CASR: variants seen among roughly 807,000 people sequenced by gnomAD.
The protein encoded by CASR is extracellular calcium-sensing receptor.
A neutral mutation model predicts 69.1 loss-of-function variants in CASR; 23 were observed. The observed-to-expected ratio is 0.33, with a 90% CI of 0.24 to 0.47. The LOEUF (loss-of-function observed/expected upper bound fraction) is 0.47. Among genes scored for constraint, CASR ranks in the 20% least tolerant of loss-of-function variants. The pLI, the probability that CASR is intolerant of heterozygous loss-of-function variation, is 1.00. For missense variants in CASR, 924 were observed against 1,356.1 expected (o/e 0.68, Z 5.00); for synonymous variants, 541 against 544.7 (o/e 0.99, Z 0.10).
At chr3:122,205,703 G>C (rs2073999628) in intron 1 of CASR, among the ~76,000 whole-genome samples, 1 of 152,058 alleles carries the variant, frequency 6.6e-6, no homozygotes, top group South Asian at 2.1e-4. Context: ...CATGAGCATG[G>C]AATAGCTTTT....
intron 1 of CASR, among the ~76,000 whole-genome samples, chr3:122,199,440 G>A (rs2073921045): frequency 6.6e-6 from 1 of 152,078 alleles, no homozygotes; most frequent in Non-Finnish European, 1.5e-5. Flanking sequence ...TATTTGCAGT[G>A]GTGTTTATTT....
intron 1 of CASR, among the ~76,000 whole-genome samples, 173 bp from the exon 2 acceptor site, chr3:122,253,775 G>A (rs376813653): frequency 2.6e-5 from 4 of 152,240 alleles, no homozygotes; most frequent in Admixed American, 1.3e-4. Flanking sequence ...GGCAATTGAC[G>A]TTTCCTGTAT....
At chr3:122,282,311 A>G in intron 6 of CASR, 75 bp downstream of exon 6, 5 of 1,442,994 alleles carry the variant, frequency 3.5e-6, no homozygotes, top group Non-Finnish European at 4.9e-6. Context: ...AGCCCATGGA[A>G]GGGCTGGGCT....
chr3:122,211,121 A>C (rs528752036), intron 1 of CASR, among the ~76,000 whole-genome samples: 2 of 152,226 alleles, frequency 1.3e-5, no homozygotes, highest in Admixed American at 6.5e-5. Flanking sequence ...TTAAAACCTA[A>C]AACTATCAAA....
chr3:122,248,907 C>T (rs564582635), intron 1 of CASR, among the ~76,000 whole-genome samples: 2 of 152,270 alleles, frequency 1.3e-5, no homozygotes, highest in African/African-American at 4.8e-5. Flanking sequence ...GGATTAGCCA[C>T]GTAGCTACTC....
chr3:122,220,876 A>C (rs1231065805), intron 1 of CASR, among the ~76,000 whole-genome samples: 1 of 152,190 alleles, frequency 6.6e-6, no homozygotes, highest in Non-Finnish European at 1.5e-5. Flanking sequence ...TGAGAGGCTG[A>C]GGCAGGAAAA....
intron 1 of CASR, among the ~76,000 whole-genome samples, chr3:122,214,285 C>T (rs1288580419): frequency 1.4e-5 from 2 of 143,994 alleles, no homozygotes; most frequent in Non-Finnish European, 3.0e-5. Context: ...GGGCATTCTT[C>T]AGAACTTCTT....
At chr3:122,222,744 C>T (rs1442096054) in intron 1 of CASR, among the ~76,000 whole-genome samples, 1 of 152,034 alleles carries the variant, frequency 6.6e-6, no homozygotes, top group Non-Finnish European at 1.5e-5. Context: ...GAACACTACA[C>T]CCAAAAACAA....
intron 1 of CASR, among the ~76,000 whole-genome samples, chr3:122,191,390 C>T (rs2073838655): frequency 6.6e-6 from 1 of 152,198 alleles, no homozygotes; most frequent in African/African-American, 2.4e-5. Flanking sequence ...TGGCTCACTG[C>T]AACTTCTGCC....
intron 1 of CASR, among the ~76,000 whole-genome samples, chr3:122,226,810 A>C (rs2074227174): frequency 6.6e-6 from 1 of 151,964 alleles, no homozygotes; most frequent in Non-Finnish European, 1.5e-5. Flanking sequence ...TCCCCACCAG[A>C]CTAACTAGAT....
At chr3:122,252,671 A>G (rs1349600386) in intron 1 of CASR, among the ~76,000 whole-genome samples, 1 of 152,126 alleles carries the variant, frequency 6.6e-6, no homozygotes, top group Admixed American at 6.5e-5. Context: ...TTGTGTAAAT[A>G]TGAAGGACAA....
At chr3:122,218,235 G>T (rs2074135911) in intron 1 of CASR, among the ~76,000 whole-genome samples, 1 of 151,926 alleles carries the variant, frequency 6.6e-6, no homozygotes, top group South Asian at 2.1e-4. Context: ...GAGCTGAAAA[G>T]AATCAAAAAT....
chr3:122,281,404 G>C (rs534754836), intron 5 of CASR, among the ~76,000 whole-genome samples: 2 of 152,186 alleles, frequency 1.3e-5, no homozygotes, highest in Non-Finnish European at 2.9e-5. Flanking sequence ...CACTAGCTAA[G>C]ACCTCCAGTG....
chr3:122,279,739 G>C (rs929545501), intron 5 of CASR, among the ~76,000 whole-genome samples: 1 of 152,066 alleles, frequency 6.6e-6, no homozygotes, highest in African/African-American at 2.4e-5. Context: ...ATTAATCTAG[G>C]AATAGAAGGG....
Position 122,200,974 on chromosome 3 carries a change from A to G in CASR, c.-243+17162A>G, listed in dbSNP as rs1576817783. Among the ~76,000 whole-genome samples, 6 of 137,044 alleles carry G rather than the reference A, an allele frequency of 4.4e-5. No homozygotes were observed. In the South Asian group the frequency reaches 1.4e-3, roughly 31 times the overall value. The allele number at this position is 137,044 out of a possible 152,430, so 89.9% of individuals were successfully genotyped here. A position where few individuals can be genotyped will look rare whatever the true frequency, so the allele number is the denominator to read the frequency against. On this transcript the variant is annotated intron_variant, in intron 1 of 6. Transcript: ENST00000639785. ...TTTTCTCCATGTAATGCTTGTGAAT[A>G]TCTTTTGCCCATTGCTTTTCTTTTT...
chr3:122,235,211 T>C (rs1459829421), intron 1 of CASR, among the ~76,000 whole-genome samples: 1 of 152,168 alleles, frequency 6.6e-6, no homozygotes, highest in Non-Finnish European at 1.5e-5. Context: ...GAATTAATAA[T>C]GAAAGACTTA....
chr3:122,245,189 C>T (rs1195681076), intron 1 of CASR, among the ~76,000 whole-genome samples: 2 of 152,102 alleles, frequency 1.3e-5, no homozygotes, highest in Non-Finnish European at 1.5e-5. Flanking sequence ...AACGTGAATG[C>T]TCCATAAATA....
chr3:122,203,573 A>G (rs2073978309), intron 1 of CASR, among the ~76,000 whole-genome samples: 1 of 152,220 alleles, frequency 6.6e-6, no homozygotes, highest in African/African-American at 2.4e-5. Flanking sequence ...AAGGCCAAAA[A>G]AAGGGTACAT....
intron 1 of CASR, among the ~76,000 whole-genome samples, chr3:122,209,339 A>G (rs540173078): frequency 1.3e-5 from 2 of 152,302 alleles, no homozygotes; most frequent in African/African-American, 4.8e-5. Flanking sequence ...AACTATTCCA[A>G]ACAATTGAAA....
Sources: gnomAD v4.1 joint callset for allele counts (sites outside exome capture counted in the v4.1 genomes callset) on GRCh38, gnomAD v4.1.1 for gene constraint, MANE v1.5 for transcripts, NCBI Gene and HGNC (gene_info 2026-07-23, HGNC 2026-07-21) for gene names.